The following F11 variants were observed in gnomAD, a reference collection of about 807,000 sequenced individuals.
F11 encodes the protein coagulation factor XI.
Under a neutral mutation model 76.5 loss-of-function variants are expected in F11, and 78 were observed. The ratio of observed to expected loss-of-function variants is 1.02; its 90% CI spans 0.85 to 1.23. F11 has a LOEUF of 1.23. Among genes scored for constraint, F11 ranks in the 50% most tolerant of loss-of-function variants. The probability of loss-of-function intolerance (pLI) is 0.00; values close to 1 mark genes in which losing one functional copy is unlikely to be tolerated. For synonymous variants in F11, 278 were observed against 276.3 expected (o/e 1.01, Z -0.06); for missense variants, 742 against 771.4 (o/e 0.96, Z 0.45).
At chr4:186,280,415 C>A (rs755012517) in intron 9 of F11, 30 bp downstream of exon 9, 1 of 1,614,114 alleles carries the variant, frequency 6.2e-7, no homozygotes, top group Non-Finnish European at 8.5e-7. Flanking sequence ...ATGCAGACAC[C>A]CTTGTCCCGT....
intron 13 of F11, chr4:186,286,817 C>A: frequency 5.0e-6 from 3 of 605,274 alleles, no homozygotes; most frequent in Non-Finnish European, 6.2e-6. Flanking sequence ...GGAAGTCATT[C>A]CAGTTAGAGT....
chr4:186,268,403 G>C (rs1262568595), intron 2 of F11, among the ~76,000 whole-genome samples: 1 of 152,120 alleles, frequency 6.6e-6, no homozygotes, highest in African/African-American at 2.4e-5. Context: ...ATCAAGGAAT[G>C]ATAGTGTACA....
chr4:186,272,222 G>T (rs1301518495), intron 3 of F11, among the ~76,000 whole-genome samples: 4 of 152,002 alleles, frequency 2.6e-5, no homozygotes, highest in African/African-American at 4.8e-5. Context: ...TGCTATATTT[G>T]TACAGCAATA....
intron 2 of F11, among the ~76,000 whole-genome samples, chr4:186,268,978 T>C (rs1312619441): frequency 6.6e-6 from 1 of 152,200 alleles, no homozygotes; most frequent in Non-Finnish European, 1.5e-5. Context: ...GAGGTCAACA[T>C]AACCCCTTTC....
intron 4 of F11, 44 bp downstream of exon 4, chr4:186,273,221 C>T (rs1459331866): frequency 7.3e-7 from 1 of 1,361,224 alleles, no homozygotes; most frequent in African/African-American, 1.4e-5. Context: ...CTGTGATGTA[C>T]ACATATCGCC....
intron 12 of F11, chr4:186,286,050 A>G: frequency 1.7e-6 from 1 of 584,392 alleles, no homozygotes; most frequent in Non-Finnish European, 3.0e-6. Flanking sequence ...CTTCAGGTGC[A>G]TAGAATGACA....
rs201226636 is a variant in F11 at position 186,284,242 on chromosome 4, C to G, written c.1286C>G (p.Ala429Gly). Residue 429 changes from alanine to glycine, a missense_variant, in exon 11 of 15, where the codon GCC (alanine) becomes GGC (glycine). By Grantham distance (60) the Ala-to-Gly change is moderately conservative. Coordinates refer to ENST00000403665, the MANE Select transcript of F11 (RefSeq NM_000128.4). ...ATTGGAAACCAGTGGATATTAACAG[C>G]CGCTCACTGTTTCTATGGGTCAGTA... ...SIIGNQWILT[A>G]AHCFYGVESP... The G allele has an allele frequency of 1.9e-6, 3 of 1,614,006 alleles. No homozygotes were observed. Among genetic ancestry groups the G allele is most frequent in the Non-Finnish European group, 2.5e-6 (3 of 1,179,966 alleles).
rs961432291 is a variant in F11, at chr4:186,281,827, C to T, written c.1135+1247C>T. 7.7e-6 allele frequency: 9 copies of T among 1,171,590 alleles called. No homozygotes were observed. In the African/African-American group the frequency reaches 7.9e-5, roughly 10 times the overall value. 72.6% of individuals were successfully genotyped at this position (1,171,590 alleles called of 1,614,324 possible). Reference sequence around the variant, plus strand: ...TTCTGTGTCAGATTATCTGCTGTACCGAGAAGGCGAATCAATCCTTAATTT... The same window carrying T: ...TTCTGTGTCAGATTATCTGCTGTACTGAGAAGGCGAATCAATCCTTAATTT... On this transcript the variant is annotated intron_variant, in intron 10 of 14. Coordinates refer to ENST00000403665, the MANE Select transcript of F11 (RefSeq NM_000128.4).
rs1249898354 is a variant in F11 at position 186,271,699 on chromosome 4, T to C, written c.146T>C (p.Val49Ala). ...FTPSAKYCQV[V>A]CTYHPRCLLF... Reference sequence around the variant, plus strand: ...CCAAGCGCCAAGTACTGCCAGGTAGTCTGCACTTACCACCCAAGATGTTTA... The same window carrying C: ...CCAAGCGCCAAGTACTGCCAGGTAGCCTGCACTTACCACCCAAGATGTTTA... The change falls in exon 3 of 15, where the codon GTC becomes GCC. Residue 49 changes from valine (V) to alanine (A), a missense_variant. Coordinates refer to ENST00000403665, the MANE Select transcript of F11 (RefSeq NM_000128.4). 2.5e-6 allele frequency: 4 copies of C among 1,614,082 alleles called. No homozygotes were observed. Among genetic ancestry groups the C allele is most frequent in the Non-Finnish European group, 2.5e-6 (3 of 1,180,024 alleles).
At chr4:186,268,503 G>A (rs1580062366) in intron 2 of F11, among the ~76,000 whole-genome samples, 1 of 152,070 alleles carries the variant, frequency 6.6e-6, no homozygotes, top group Non-Finnish European at 1.5e-5. Context: ...ATTTTAAGGG[G>A]TTAAAATTAT....
intron 9 of F11, 29 bp from the exon 10 acceptor site, chr4:186,280,445 T>C (rs372029475): frequency 3.1e-6 from 5 of 1,614,068 alleles, no homozygotes; most frequent in Non-Finnish European, 4.2e-6. Flanking sequence ...AGGTGCATTA[T>C]GTTTATACCG....
At position 186,280,276 on chromosome 4, in the gene F11, G is replaced by T. The variant is rs1740699333; in HGVS notation, c.919G>T (p.Asp307Tyr). 7 of 1,614,186 alleles carry T rather than the reference G, an allele frequency of 4.3e-6. No individual in the cohort carries two copies. Among genetic ancestry groups the T allele is most frequent in the African/African-American group, 1.3e-5 (1 of 75,036 alleles). ...HDTDFLGEEL[D>Y]IVAAKSHEAC... ...CACTGATTTCTTGGGAGAAGAACTG[G>T]ATATTGTTGCTGCAAAAAGTCACGA... The change falls in exon 9 of 15, where the codon GAT becomes TAT. Residue 307 changes from aspartate (D) to tyrosine (Y), a missense_variant. Asp to Tyr is a radical substitution (Grantham distance 160). Transcript: ENST00000403665.
chr4:186,272,769 C>A (rs1740074289), intron 3 of F11, among the ~76,000 whole-genome samples: 2 of 152,138 alleles, frequency 1.3e-5, no homozygotes, highest in African/African-American at 4.8e-5. Flanking sequence ...ATATAAAAAT[C>A]ATTTTGTATA....
rs559228526 is a variant in F11 at position 186,268,619 on chromosome 4, A to T, written c.55+1428A>T. Among the ~76,000 whole-genome samples, 3 of 152,146 alleles carry T rather than the reference A, an allele frequency of 2.0e-5. No individual in the cohort carries two copies. The South Asian group carries it at 6.2e-4, about 32-fold the overall frequency. On this transcript the variant is annotated intron_variant, in intron 2 of 14. Coordinates refer to ENST00000403665, the MANE Select transcript of F11 (RefSeq NM_000128.4). The stretch of plus-strand genomic sequence containing the variant: ...AATTGAGTATTTATAATCACCGTGA[A>T]TGGGAGCTAGAATAATAATAAAAAG...
intron 10 of F11, chr4:186,282,704 A>G (rs1168048767): frequency 6.1e-6 from 6 of 985,264 alleles, no homozygotes; most frequent in South Asian, 9.4e-5. Flanking sequence ...CCTTGCAGAA[A>G]TTCCAGAATA....
In F11 at chr4:186,271,849, AT is replaced by A. The variant is rs1473167541; in HGVS notation, c.218+82del. The stretch of plus-strand genomic sequence containing the variant: ...TATTCTTAACACATTTCCATCTAAC[AT>A]TTTATAAAATTTAACATTAACAACT... On this transcript the variant is annotated intron_variant, in intron 3 of 14. Transcript: ENST00000403665. 7 of 1,469,232 alleles carry A rather than the reference AT, an allele frequency of 4.8e-6. No homozygotes were observed. The East Asian group carries it at 1.6e-4, about 33-fold the overall frequency. 91.0% of individuals were successfully genotyped at this position (1,469,232 alleles called of 1,614,324 possible).
At chr4:186,280,672 G>A in intron 10 of F11, 92 bp downstream of exon 10, 1 of 1,115,894 alleles carries the variant, frequency 9.0e-7, no homozygotes, top group Non-Finnish European at 1.3e-6. Flanking sequence ...AGCCACAGAA[G>A]GGAGAACATT....
In F11 at chr4:186,288,625, A is replaced by G. The variant is rs780825752; in HGVS notation, c.*11A>G. 6.2e-7 allele frequency: 1 copy of G among 1,612,454 alleles called. No individual in the cohort carries two copies. The highest frequency in any genetic ancestry group is 1.1e-5 in the South Asian group (1 of 90,846). On this transcript the variant is annotated 3_prime_UTR_variant, in exon 15 of 15. Transcript: ENST00000403665. ...ACTCAAGCAGTGTGAATGGGTTCCCAGGGGCCATTGGAGTCCCTGAAGGAC... is the reference window on the plus strand; with the variant it reads ...ACTCAAGCAGTGTGAATGGGTTCCCGGGGGCCATTGGAGTCCCTGAAGGAC...
In F11 at chr4:186,280,262, TG is replaced by T. The variant is rs786204722; in HGVS notation, c.908del (p.Gly303GlufsTer46). ...HSSFYHDTDF[L>X]GEELDIVAAK... ...TCATTTTACCATGACACTGATTTCTTGGGAGAAGAACTGGATATTGTTGCTG... is the reference window on the plus strand; with the variant it reads ...TCATTTTACCATGACACTGATTTCTTGGAGAAGAACTGGATATTGTTGCTG... On this transcript the variant is annotated frameshift_variant, in exon 9 of 15. Coordinates refer to ENST00000403665, the MANE Select transcript of F11 (RefSeq NM_000128.4). LOFTEE classifies it high-confidence loss of function. The T allele has an allele frequency of 5.0e-6, 8 of 1,614,102 alleles. No homozygotes were observed. Among genetic ancestry groups the T allele is most frequent in the South Asian group, 2.2e-5 (2 of 91,092 alleles).
Sources: gnomAD v4.1 joint callset for allele counts (sites outside exome capture counted in the v4.1 genomes callset) on GRCh38, gnomAD v4.1.1 for gene constraint, MANE v1.5 for transcripts, NCBI Gene and HGNC (gene_info 2026-07-23, HGNC 2026-07-21) for gene names.